ZNF322: variants seen among roughly 807,000 people sequenced by gnomAD.
ZNF322 encodes the protein HLA complex group 12.
Under a neutral mutation model 18.3 loss-of-function variants are expected in ZNF322, and 1 was observed. That is an observed-to-expected ratio of 0.05 (90% CI 0.02 to 0.26). The LOEUF (loss-of-function observed/expected upper bound fraction) is 0.26, where lower values mean the gene tolerates loss of function less well. Among genes scored for constraint, ZNF322 ranks in the 10% least tolerant of loss-of-function variants. The pLI is 1.00. For missense variants in ZNF322, 36 were observed against 403.6 expected (o/e 0.09, Z 7.80); for synonymous variants, 17 against 130.7 (o/e 0.13, Z 5.93).
intron 2 of ZNF322, among the ~76,000 whole-genome samples, chr6:26,648,873 T>C (rs945678180): frequency 6.6e-6 from 1 of 152,204 alleles, no homozygotes; most frequent in Non-Finnish European, 1.5e-5. Context: ...TTATAAACAA[T>C]GCAATCTCAA....
rs1371926425 is a variant in ZNF322 at position 26,636,488 on chromosome 6, T to C, written c.*857A>G. 1.3e-5 allele frequency: 2 copies of C among 151,612 alleles called. No individual in the cohort carries two copies. The highest frequency in any genetic ancestry group is 2.9e-5 in the Non-Finnish European group (2 of 67,948). 9.4% of individuals were successfully genotyped at this position (151,612 alleles called of 1,614,324 possible). On this transcript the variant is annotated 3_prime_UTR_variant, in exon 4 of 4. Coordinates refer to ENST00000415922, the MANE Select transcript of ZNF322 (RefSeq NM_024639.5). Reference sequence around the variant, plus strand: ...ATTTTCATACTGATTTCATGTAAAGTCCTCTCTACCATATGAGTCAACTAA... The same window carrying C: ...ATTTTCATACTGATTTCATGTAAAGCCCTCTCTACCATATGAGTCAACTAA...
intron 2 of ZNF322, among the ~76,000 whole-genome samples, chr6:26,654,700 T>C (rs1280402151): frequency 2.0e-5 from 3 of 151,172 alleles, no homozygotes; most frequent in African/African-American, 7.3e-5. Flanking sequence ...AGCAAACAAA[T>C]ATAGAAGAAA....
intron 3 of ZNF322, among the ~76,000 whole-genome samples, chr6:26,639,484 G>A (rs1554148109): frequency 6.6e-6 from 1 of 152,046 alleles, no homozygotes; most frequent in East Asian, 1.9e-4. Context: ...GTGAAAAGTT[G>A]TAAAAAAAAG....
intron 2 of ZNF322, among the ~76,000 whole-genome samples, chr6:26,654,054 G>A (rs116296561): frequency 0.032 from 4,876 of 152,150 alleles, 124 homozygotes; most frequent in Middle Eastern, 0.075. Context: ...TCCCCTGTTG[G>A]GATAAGGGTA....
In ZNF322 at chr6:26,634,392, T is replaced by C. The variant is rs1765319311; in HGVS notation, c.*2953A>G. 6.6e-6 allele frequency: 1 copy of C among 152,200 alleles called. No individual in the cohort carries two copies. The highest frequency in any genetic ancestry group is 2.4e-5 in the African/African-American group (1 of 41,454). 9.4% of individuals were successfully genotyped at this position (152,200 alleles called of 1,614,324 possible). ...ACAGTGGAGACGGAAATGGAGTTTT[T>C]CAGAACAAATGTTTATTTAATAATT... On this transcript the variant is annotated 3_prime_UTR_variant, in exon 4 of 4. Coordinates refer to ENST00000415922, the MANE Select transcript of ZNF322 (RefSeq NM_024639.5).
In ZNF322 at chr6:26,638,718, T is replaced by A; in HGVS notation, c.-165A>T. 2.0e-6 allele frequency: 2 copies of A among 982,994 alleles called. No individual in the cohort carries two copies. Among genetic ancestry groups the A allele is most frequent in the Non-Finnish European group, 3.0e-6 (2 of 668,062 alleles). The allele number at this position is 982,994 out of a possible 1,614,324, so 60.9% of individuals were successfully genotyped here. A position where few individuals can be genotyped will look rare whatever the true frequency, so the allele number is the denominator to read the frequency against. ...TCATATATGTTAATTCCTTACTTGGTATTTCCAACCCTGTGAGACAAAGTA... is the reference window on the plus strand; with the variant it reads ...TCATATATGTTAATTCCTTACTTGGAATTTCCAACCCTGTGAGACAAAGTA... On this transcript the variant is annotated 5_prime_UTR_variant, in exon 4 of 4. Transcript: ENST00000415922.
chr6:26,650,390 G>A (rs1295290754), intron 2 of ZNF322: 7 of 152,134 alleles, frequency 4.6e-5, no homozygotes, highest in African/African-American at 1.7e-4. Flanking sequence ...AACAAGGTAA[G>A]AATGTTCTCT....
At chr6:26,657,428 C>T (rs1296289686) in intron 2 of ZNF322, among the ~76,000 whole-genome samples, 5 of 152,106 alleles carry the variant, frequency 3.3e-5, no homozygotes, top group African/African-American at 1.2e-4. Flanking sequence ...TGCTCTTCCC[C>T]ATGCAGCTTA....
chr6:26,641,229 A>C (rs1019967286), intron 3 of ZNF322, among the ~76,000 whole-genome samples: 3 of 152,248 alleles, frequency 2.0e-5, no homozygotes, highest in Middle Eastern at 3.2e-3. Flanking sequence ...AGATATACCA[A>C]GATTTCAAAT....
chr6:26,649,313 A>G (rs1343125122), intron 2 of ZNF322, among the ~76,000 whole-genome samples: 1 of 152,088 alleles, frequency 6.6e-6, no homozygotes, highest in Non-Finnish European at 1.5e-5. Flanking sequence ...CCAGAAATAA[A>G]CACATATAGA....
At position 26,637,395 on chromosome 6, in the gene ZNF322, C is replaced by T. The variant is rs1554147806; in HGVS notation, c.1159G>A (p.Gly387Ser). Residue 387 changes from glycine (G) to serine (S), a missense_variant, in exon 4 of 4, where the codon GGT (glycine) becomes AGT (serine). By Grantham distance (56) the Gly-to-Ser change is moderately conservative. Transcript: ENST00000415922. ...GCATGGGGAGGGCTAAGCTCAAGAC[C>T]TTTTTCACTCACATTACAGACAAAC... Reference protein sequence around the residue: ...KPFVCNVSEKGLELSPPHASE... With the variant: ...KPFVCNVSEKSLELSPPHASE... The T allele has an allele frequency of 6.2e-7, 1 of 1,613,670 alleles. No homozygotes were observed. The highest frequency in any genetic ancestry group is 1.7e-5 in the Admixed American group (1 of 59,986).
rs1460143851 is a variant in ZNF322 at position 26,649,704 on chromosome 6, T to A, written c.-245-5976A>T. Among the ~76,000 whole-genome samples the A allele has an allele frequency of 1.3e-3, 152 of 113,462 alleles. 3 individuals are homozygous for A. The highest frequency in any genetic ancestry group is 2.0e-3 in the Non-Finnish European group (110 of 55,844). The allele number at this position is 113,462 out of a possible 152,430, so 74.4% of individuals were successfully genotyped here. A position where few individuals can be genotyped will look rare whatever the true frequency, so the allele number is the denominator to read the frequency against. On this transcript the variant is annotated intron_variant, in intron 2 of 3. Transcript: ENST00000415922. The stretch of plus-strand genomic sequence containing the variant: ...ATATATATATATATATATATATATT[T>A]TTTTTTTTTTTTTTTTGAGACTGAG...
intron 2 of ZNF322, among the ~76,000 whole-genome samples, chr6:26,649,525 A>G (rs1765613910): frequency 1.3e-5 from 2 of 151,768 alleles, no homozygotes; most frequent in Admixed American, 1.3e-4. Flanking sequence ...CAAGAAAACT[A>G]AAGTAAATTC....
At chr6:26,644,843 G>A (rs1464832084) in intron 2 of ZNF322, among the ~76,000 whole-genome samples, 13 of 151,878 alleles carry the variant, frequency 8.6e-5, no homozygotes, top group African/African-American at 2.2e-4. Flanking sequence ...GTACCTGTGC[G>A]GGATGTGCAG....
In ZNF322 at chr6:26,637,109, CT is replaced by C; in HGVS notation, c.*235del. The stretch of plus-strand genomic sequence containing the variant: ...CCTCTTGTGAGTGATCAAATTTGAG[CT>C]CAGACGGTAAGTTTTCAAAACCTCT... On this transcript the variant is annotated 3_prime_UTR_variant, in exon 4 of 4. Transcript: ENST00000415922. 2.6e-6 allele frequency: 1 copy of C among 380,576 alleles called. No individual in the cohort carries two copies. The allele number at this position is 380,576 out of a possible 1,614,324, so 23.6% of individuals were successfully genotyped here.
chr6:26,641,746 T>C (rs1202534317), intron 3 of ZNF322, among the ~76,000 whole-genome samples: 6 of 152,158 alleles, frequency 3.9e-5, no homozygotes, highest in Non-Finnish European at 8.8e-5. Context: ...TCATTGCTAT[T>C]CTCCAGTCTC....
At position 26,634,565 on chromosome 6, in the gene ZNF322, C is replaced by T. The variant is rs1554147533; in HGVS notation, c.*2780G>A. 7.7e-6 allele frequency: 1 copy of T among 129,110 alleles called. No homozygotes were observed. The highest frequency in any genetic ancestry group is 1.6e-5 in the Non-Finnish European group (1 of 61,990). The allele number at this position is 129,110 out of a possible 1,614,324, so 8.0% of individuals were successfully genotyped here. On this transcript the variant is annotated 3_prime_UTR_variant, in exon 4 of 4. Transcript: ENST00000415922. ...GCTTCAAGGGAACCTCCGTCCATCC[C>T]AGAAGTTACCTTCTAGTTTTGGTTA...
At chr6:26,651,917 C>T (rs1765677266) in intron 2 of ZNF322, among the ~76,000 whole-genome samples, 1 of 152,130 alleles carries the variant, frequency 6.6e-6, no homozygotes, top group South Asian at 2.1e-4. Flanking sequence ...CTGCAATCTC[C>T]GCCTCCCAGG....
At chr6:26,652,980 T>TA (rs1324137795) in intron 2 of ZNF322, among the ~76,000 whole-genome samples, 1 of 152,220 alleles carries the variant, frequency 6.6e-6, no homozygotes, top group Admixed American at 6.5e-5. Context: ...ATAAAGTCTA[T>TA]AAAAAATGAA....
Sources: gnomAD v4.1 joint callset for allele counts (sites outside exome capture counted in the v4.1 genomes callset) on GRCh38, gnomAD v4.1.1 for gene constraint, MANE v1.5 for transcripts, NCBI Gene and HGNC (gene_info 2026-07-23, HGNC 2026-07-21) for gene names.